Variants in MED13L observed in about 807,000 individuals in gnomAD.
MED13L encodes mediator of RNA polymerase II transcription subunit 13-like.
In MED13L, 7 loss-of-function variants were observed where a neutral mutation model predicts 220.9. That is an observed-to-expected ratio of 0.03 (90% CI 0.02 to 0.06). The LOEUF (loss-of-function observed/expected upper bound fraction) is 0.06, where lower values mean the gene tolerates loss of function less well. MED13L is among the 10% of genes least tolerant of loss of function. The probability of loss-of-function intolerance (pLI) is 1.00; values close to 1 mark genes in which losing one functional copy is unlikely to be tolerated. For missense variants in MED13L, 1,965 were observed against 2,760.5 expected (o/e 0.71, Z 6.46); for synonymous variants, 1,011 against 1,015.2 (o/e 1.00, Z 0.08).
At chr12:116,183,985 T>C (rs1565917411) in intron 2 of MED13L, among the ~76,000 whole-genome samples, 1 of 152,142 alleles carries the variant, frequency 6.6e-6, no homozygotes, top group African/African-American at 2.4e-5. Flanking sequence ...AAGCTCCAAA[T>C]ACAGTTTACA....
rs371091972 is a variant in MED13L, at chr12:116,227,638, A to G, written c.310+9830T>C. On this transcript the variant is annotated intron_variant, in intron 2 of 30. Transcript: ENST00000281928. ...ACACCCATATAAAACAGCAGACTGA[A>G]CCAATTGATCACTATTGTATGTGTT... Among the ~76,000 whole-genome samples the G allele has an allele frequency of 1.8e-4, 27 of 152,278 alleles. No homozygotes were observed. In the East Asian group the frequency reaches 5.0e-3, roughly 28 times the overall value.
chr12:116,197,001 T>C (rs1392620702), intron 2 of MED13L, among the ~76,000 whole-genome samples: 2 of 152,216 alleles, frequency 1.3e-5, no homozygotes, highest in Non-Finnish European at 2.9e-5. Context: ...GTTTGAACAG[T>C]AACCATATTA....
At chr12:116,175,711 A>G (rs1240089863) in intron 2 of MED13L, among the ~76,000 whole-genome samples, 1 of 152,178 alleles carries the variant, frequency 6.6e-6, no homozygotes, top group Non-Finnish European at 1.5e-5. Context: ...GCAGCATACT[A>G]AACATTAGAG....
rs547305705 is a variant in MED13L at position 116,098,710 on chromosome 12, T to G, written c.396-1958A>C. Among the ~76,000 whole-genome samples, 4 of 152,294 alleles carry G rather than the reference T, an allele frequency of 2.6e-5. No individual in the cohort carries two copies. In the South Asian group the frequency reaches 8.3e-4, roughly 32 times the overall value. On this transcript the variant is annotated intron_variant, in intron 3 of 30. Transcript: ENST00000281928. ...AATAAATTTCTACTGCGATCTTCCA[T>G]TGTTCACAATGAAGAAAATCATTTT...
Position 116,019,896 on chromosome 12 carries a change from C to T in MED13L, c.702G>A (p.Lys234=). The T allele has an allele frequency of 6.2e-7, 1 of 1,613,884 alleles. No homozygotes were observed. The highest frequency in any genetic ancestry group is 8.5e-7 in the Non-Finnish European group (1 of 1,179,940). Residue 234 remains lysine, a synonymous_variant, in exon 6 of 31, where the codon AAG becomes AAA. Transcript: ENST00000281928. The part of the protein sequence containing the change: ...AYKMSDPATR[K]LIEEWQYFYP... ...AGAAATACTGCCATTCCTCAATCAA[C>T]TTACGAGTGGCTGGGTCTGACATCT...
intron 23 of MED13L, among the ~76,000 whole-genome samples, chr12:115,977,964 C>A (rs1242394796): frequency 6.6e-6 from 1 of 152,054 alleles, no homozygotes; most frequent in Non-Finnish European, 1.5e-5. Context: ...CCACTGCACA[C>A]CACCCTGGGT....
chr12:116,047,214 C>G (rs574989098), intron 4 of MED13L, among the ~76,000 whole-genome samples: 19 of 152,088 alleles, frequency 1.2e-4, no homozygotes, highest in African/African-American at 4.3e-4. Context: ...ATTGGCCAGG[C>G]CTGGTAGCGC....
chr12:116,159,754 A>T (rs1223945758), intron 2 of MED13L, among the ~76,000 whole-genome samples: 1 of 150,806 alleles, frequency 6.6e-6, no homozygotes, highest in African/African-American at 2.5e-5. Context: ...TTATTTACAG[A>T]TCATATCAGC....
At chr12:116,064,961 C>A (rs1177720508) in intron 4 of MED13L, among the ~76,000 whole-genome samples, 1 of 152,184 alleles carries the variant, frequency 6.6e-6, no homozygotes, top group African/African-American at 2.4e-5. Context: ...TATATACAGT[C>A]AAGCAACAAT....
intron 1 of MED13L, among the ~76,000 whole-genome samples, chr12:116,244,653 T>C (rs1380493254): frequency 2.0e-5 from 3 of 152,204 alleles, no homozygotes; most frequent in African/African-American, 4.8e-5. Flanking sequence ...GTTAAAAGCC[T>C]GCTTAAAAGG....
intron 2 of MED13L, among the ~76,000 whole-genome samples, chr12:116,218,788 C>T (rs180849161): frequency 1.6e-3 from 243 of 151,952 alleles, no homozygotes; most frequent in African/African-American, 5.3e-3. Flanking sequence ...GGCTGGAGTG[C>T]AGTGGTGCAA....
intron 16 of MED13L, among the ~76,000 whole-genome samples, chr12:115,993,933 T>C (rs1048007958): frequency 2.6e-5 from 4 of 152,168 alleles, no homozygotes; most frequent in African/African-American, 9.7e-5. Context: ...GTATTGCATG[T>C]GACAAAGGAG....
intron 1 of MED13L, among the ~76,000 whole-genome samples, chr12:116,260,263 G>C (rs1438744551): frequency 6.6e-6 from 1 of 152,200 alleles, no homozygotes. Context: ...ACAATGGATA[G>C]TACACGCTGT....
chr12:116,273,142 T>C (rs771743407), intron 1 of MED13L, among the ~76,000 whole-genome samples: 1 of 151,930 alleles, frequency 6.6e-6, no homozygotes, highest in Non-Finnish European at 1.5e-5. Flanking sequence ...CCGTCTCTAC[T>C]AAAAATACAA....
intron 2 of MED13L, among the ~76,000 whole-genome samples, chr12:116,115,283 GCAATTCAGT>G (rs1185531837): frequency 5.3e-5 from 8 of 151,922 alleles, no homozygotes; most frequent in Admixed American, 3.9e-4. Flanking sequence ...AGGTGCCAAG[GCAATTCAGT>G]CAATTCAGTA....
chr12:116,060,315 C>T (rs1466573917), intron 4 of MED13L, among the ~76,000 whole-genome samples: 1 of 151,936 alleles, frequency 6.6e-6, no homozygotes, highest in African/African-American at 2.4e-5. Context: ...TGGTAACTCA[C>T]GCCGGTAATA....
intron 16 of MED13L, among the ~76,000 whole-genome samples, chr12:115,992,249 T>A (rs1592924817): frequency 6.6e-6 from 1 of 152,374 alleles, no homozygotes; most frequent in East Asian, 1.9e-4. Flanking sequence ...GAACTTTTAC[T>A]ATTTTTATAA....
At chr12:116,080,040 T>C (rs1871120605) in intron 4 of MED13L, among the ~76,000 whole-genome samples, 1 of 151,510 alleles carries the variant, frequency 6.6e-6, no homozygotes, top group African/African-American at 2.4e-5. Context: ...TTTTTTTAGC[T>C]CATTAGCTAC....
At chr12:116,276,439 G>A (rs1035043947) in intron 1 of MED13L, 1 of 1,288,738 alleles carries the variant, frequency 7.8e-7, no homozygotes, top group Non-Finnish European at 1.0e-6. Flanking sequence ...CCTTCCGTCG[G>A]CTCGGTGCAA....
Sources: allele counts gnomAD v4.1 joint callset (sites outside exome capture counted in the v4.1 genomes callset), GRCh38; gene constraint gnomAD v4.1.1; transcripts MANE v1.5; gene names NCBI Gene and HGNC (gene_info 2026-07-23, HGNC 2026-07-21).